Variants in SLC9C2 observed in about 807,000 individuals in gnomAD.
SLC9C2 encodes the protein solute carrier family 9 member C2 (putative), also known as sodium/hydrogen exchanger 11.
In SLC9C2, 75 loss-of-function variants were observed where a neutral mutation model predicts 140.2. The observed-to-expected ratio is 0.53, with a 90% CI of 0.44 to 0.65. SLC9C2 has a LOEUF of 0.65. SLC9C2 is among the 30% of genes least tolerant of loss of function. The pLI is 0.00. For missense variants in SLC9C2, 1,074 were observed against 1,331.8 expected (o/e 0.81, Z 3.01); for synonymous variants, 375 against 420.9 (o/e 0.89, Z 1.34).
At chr1:173,563,043 T>C (rs1208537359) in intron 9 of SLC9C2, among the ~76,000 whole-genome samples, 1 of 151,858 alleles carries the variant, frequency 6.6e-6, no homozygotes, top group Non-Finnish European at 1.5e-5. Flanking sequence ...GCAGGGAGGC[T>C]TTCCCTAAGC....
intron 6 of SLC9C2, 124 bp downstream of exon 6, chr1:173,583,382 C>T: frequency 1.8e-6 from 1 of 545,506 alleles, no homozygotes; most frequent in South Asian, 3.3e-5. Context: ...CTTGTTACTT[C>T]ATATATCATT....
At chr1:173,592,153 C>G (rs1382560080) in intron 4 of SLC9C2, among the ~76,000 whole-genome samples, 1 of 152,086 alleles carries the variant, frequency 6.6e-6, no homozygotes, top group Non-Finnish European at 1.5e-5. Flanking sequence ...TTTTTATCAG[C>G]TTTGTTGAAG....
At chr1:173,601,252 C>T (rs1386671549) in intron 2 of SLC9C2, among the ~76,000 whole-genome samples, 1 of 152,202 alleles carries the variant, frequency 6.6e-6, no homozygotes, top group Non-Finnish European at 1.5e-5. Flanking sequence ...CTCCCCTCAT[C>T]TCAGATATTT....
intron 18 of SLC9C2, among the ~76,000 whole-genome samples, chr1:173,527,626 C>A (rs976352389): frequency 6.6e-6 from 1 of 152,202 alleles, no homozygotes; most frequent in African/African-American, 2.4e-5. Flanking sequence ...AGCTTACCCT[C>A]CAGCTTTGAG....
intron 4 of SLC9C2, among the ~76,000 whole-genome samples, chr1:173,595,515 A>G (rs1248666085): frequency 1.3e-5 from 2 of 152,126 alleles, no homozygotes; most frequent in African/African-American, 4.8e-5. Flanking sequence ...GAAATATGAT[A>G]TTTTACATAA....
chr1:173,567,827 T>C (rs1441672027), intron 9 of SLC9C2, among the ~76,000 whole-genome samples: 1 of 152,150 alleles, frequency 6.6e-6, no homozygotes, highest in Non-Finnish European at 1.5e-5. Flanking sequence ...GTATCTGTTG[T>C]ATTTTTTAAT....
intron 13 of SLC9C2, among the ~76,000 whole-genome samples, chr1:173,540,648 G>A (rs759149136): frequency 6.6e-6 from 1 of 152,212 alleles, no homozygotes; most frequent in Non-Finnish European, 1.5e-5. Flanking sequence ...GACAGAAAAT[G>A]TACCTCATGA....
At chr1:173,592,059 G>A (rs1393473791) in intron 4 of SLC9C2, among the ~76,000 whole-genome samples, 7 of 152,072 alleles carry the variant, frequency 4.6e-5, no homozygotes, top group African/African-American at 1.7e-4. Context: ...TGTAAGAAAG[G>A]GGTCCAATTT....
chr1:173,544,049 T>C (rs1202778296), intron 13 of SLC9C2, among the ~76,000 whole-genome samples: 2 of 152,112 alleles, frequency 1.3e-5, no homozygotes, highest in Non-Finnish European at 2.9e-5. Flanking sequence ...CAAAAGAAAC[T>C]ACCATCAGAG....
chr1:173,523,808 A>G (rs1660999383), intron 21 of SLC9C2, among the ~76,000 whole-genome samples, 161 bp downstream of exon 21: 1 of 152,234 alleles, frequency 6.6e-6, no homozygotes, highest in Non-Finnish European at 1.5e-5. Flanking sequence ...TAGGCTCAAA[A>G]AGAGATCTAG....
chr1:173,505,231 A>C lies in SLC9C2; in HGVS notation c.3310+16T>G, dbSNP rs772944471. 2 of 1,601,000 alleles carry C rather than the reference A, an allele frequency of 1.2e-6. No homozygotes were observed. The highest frequency in any genetic ancestry group is 8.5e-7 in the Non-Finnish European group (1 of 1,170,580). ...CTTCTCAATAGTTTTCCTACCACTA[A>C]AGGTCTACCCCTTACCCATGACATT... On this transcript the variant is annotated intron_variant, in intron 26 of 27. Coordinates refer to ENST00000367714, the MANE Select transcript of SLC9C2 (RefSeq NM_178527.4).
intron 9 of SLC9C2, among the ~76,000 whole-genome samples, chr1:173,559,945 C>T (rs1023413759): frequency 2.6e-5 from 4 of 152,152 alleles, no homozygotes; most frequent in Admixed American, 2.6e-4. Context: ...TTTGTCATAA[C>T]CTCCATCATC....
At chr1:173,570,497 C>T (rs536906261) in intron 9 of SLC9C2, among the ~76,000 whole-genome samples, 30 of 152,200 alleles carry the variant, frequency 2.0e-4, no homozygotes, top group African/African-American at 6.5e-4. Context: ...TTCTGAGCTG[C>T]GCTGCTTGAG....
chr1:173,534,627 A>G lies in SLC9C2; in HGVS notation c.1831T>C (p.Tyr611His). 3.2e-6 allele frequency: 5 copies of G among 1,555,116 alleles called. No individual in the cohort carries two copies. Among genetic ancestry groups the G allele is most frequent in the Non-Finnish European group, 4.3e-6 (5 of 1,153,602 alleles). ...ATCAAATTTATAATCTGTCCTGTAT[A>G]TTCAAATTCTTCAGAAAATACTATG... ...FHIVFSEEFE[Y>H]TGQIINLIYI... Residue 611 changes from tyrosine to histidine, a missense_variant, in exon 16 of 28, where the codon TAT becomes CAT. Transcript: ENST00000367714.
At chr1:173,522,848 C>T (rs1350948656) in intron 21 of SLC9C2, among the ~76,000 whole-genome samples, 1 of 152,206 alleles carries the variant, frequency 6.6e-6, no homozygotes, top group African/African-American at 2.4e-5. Context: ...GCACCCACTA[C>T]TCCCTTTGCC....
At chr1:173,524,587 CA>C (rs1304203313) in intron 20 of SLC9C2, among the ~76,000 whole-genome samples, 191 bp downstream of exon 20, 1 of 152,188 alleles carries the variant, frequency 6.6e-6, no homozygotes, top group African/African-American at 2.4e-5. Context: ...TACTTGCAAT[CA>C]AGTAGTTTTG....
chr1:173,593,053 C>T (rs1392451808), intron 4 of SLC9C2, among the ~76,000 whole-genome samples: 1 of 152,066 alleles, frequency 6.6e-6, no homozygotes, highest in African/African-American at 2.4e-5. Context: ...ACCACCAGAC[C>T]CACCTTACAA....
At chr1:173,568,720 G>C (rs1001718700) in intron 9 of SLC9C2, among the ~76,000 whole-genome samples, 3 of 152,062 alleles carry the variant, frequency 2.0e-5, no homozygotes, top group African/African-American at 4.8e-5. Context: ...TGTTATAATT[G>C]TCCATGATTT....
At chr1:173,505,851 A>C (rs77449679) in intron 25 of SLC9C2, among the ~76,000 whole-genome samples, 1,537 of 152,254 alleles carry the variant, frequency 0.01, 21 homozygotes, top group African/African-American at 0.035. Flanking sequence ...CTATCTTACC[A>C]TGAAGGAAAT....
Sources: allele counts gnomAD v4.1 joint callset (sites outside exome capture counted in the v4.1 genomes callset), GRCh38; gene constraint gnomAD v4.1.1; transcripts MANE v1.5; gene names NCBI Gene and HGNC (gene_info 2026-07-23, HGNC 2026-07-21).